Variants in SPTBN4 observed in about 807,000 individuals in gnomAD.
The protein encoded by SPTBN4 is spectrin beta, non-erythrocytic 4, also known as spectrin beta chain, non-erythrocytic 4.
Under a neutral mutation model 277.8 loss-of-function variants are expected in SPTBN4, and 96 were observed. That is an observed-to-expected ratio of 0.35 (90% CI 0.29 to 0.41). SPTBN4 has a LOEUF of 0.41. Among genes scored for constraint, SPTBN4 ranks in the 10% least tolerant of loss-of-function variants. The probability of loss-of-function intolerance (pLI) is 1.00; values close to 1 mark genes in which losing one functional copy is unlikely to be tolerated. For missense variants in SPTBN4, 3,006 were observed against 3,595.7 expected, an observed-to-expected ratio of 0.84 and a Z score of 4.19; for synonymous variants, 1,481 against 1,580.3, an observed-to-expected ratio of 0.94 and a Z score of 1.49.
At chr19:40,549,111 C>T in intron 20 of SPTBN4, 78 bp from the exon 21 acceptor site, 1 of 1,251,332 alleles carries the variant, frequency 8.0e-7, no homozygotes, top group South Asian at 1.5e-5. Flanking sequence ...GTCTGGCTGT[C>T]ACCATAAGGG....
intron 18 of SPTBN4, among the ~76,000 whole-genome samples, chr19:40,529,532 C>T (rs890317991): frequency 6.6e-6 from 1 of 152,186 alleles, no homozygotes; most frequent in South Asian, 2.1e-4. Flanking sequence ...CTGCAGCCAG[C>T]GATGGCTCTG....
Position 40,572,367 on chromosome 19 carries a change from A to G in SPTBN4, c.7523A>G (p.Gln2508Arg), listed in dbSNP as rs2081163580. Residue 2508 changes from glutamine to arginine, a missense_variant, in exon 35 of 36, where the codon CAG (glutamine) becomes CGG (arginine). Coordinates refer to ENST00000598249, the MANE Select transcript of SPTBN4 (RefSeq NM_020971.3). ...QTQDGSEFLLQAKDEEEMNGW... is the reference protein window; with the variant it reads ...QTQDGSEFLLRAKDEEEMNGW... ...CAGGATGGCAGTGAGTTTTTGCTCCAGGCAAAAGATGAGGTGAGATCTGGT... is the reference window on the plus strand; with the variant it reads ...CAGGATGGCAGTGAGTTTTTGCTCCGGGCAAAAGATGAGGTGAGATCTGGT... The G allele has an allele frequency of 1.2e-6, 2 of 1,614,218 alleles. No individual in the cohort carries two copies. The highest frequency in any genetic ancestry group is 2.2e-5 in the South Asian group (2 of 91,086).
intron 20 of SPTBN4, among the ~76,000 whole-genome samples, chr19:40,542,874 G>A (rs1160260045): frequency 4.0e-5 from 6 of 151,582 alleles, no homozygotes; most frequent in Admixed American, 1.3e-4. Context: ...GCAGTGGCGC[G>A]ATCTCAGCTA....
chr19:40,506,956 C>T (rs773037008), intron 13 of SPTBN4, among the ~76,000 whole-genome samples: 1 of 152,064 alleles, frequency 6.6e-6, no homozygotes, highest in Non-Finnish European at 1.5e-5. Context: ...TACACTCCAG[C>T]CTGGGTGACA....
chr19:40,489,245 G>C (rs2080109570), intron 3 of SPTBN4, among the ~76,000 whole-genome samples: 1 of 131,074 alleles, frequency 7.6e-6, no homozygotes, highest in Non-Finnish European at 1.6e-5. Context: ...AGAAAAAAAA[G>C]AATAGATAGG....
intron 20 of SPTBN4, among the ~76,000 whole-genome samples, chr19:40,540,475 C>T (rs1259534220): frequency 3.3e-5 from 5 of 151,950 alleles, no homozygotes; most frequent in African/African-American, 9.7e-5. Context: ...CTCCTGGGCT[C>T]AAACAGTCCT....
intron 2 of SPTBN4, among the ~76,000 whole-genome samples, chr19:40,483,913 T>C (rs2080040266): frequency 6.6e-6 from 1 of 152,084 alleles, no homozygotes; most frequent in South Asian, 2.1e-4. Flanking sequence ...AAAAGAGGGA[T>C]TTGGACTAGA....
At chr19:40,474,151 C>CAAA (rs71173641) in intron 2 of SPTBN4, among the ~76,000 whole-genome samples, 34 of 34,472 alleles carry the variant, frequency 9.9e-4, no homozygotes, top group African/African-American at 3.9e-3. Flanking sequence ...GAACCTATCT[C>CAAA]AAAAAAAAAA....
intron 12 of SPTBN4, 146 bp downstream of exon 12, chr19:40,504,278 G>C: frequency 1.2e-6 from 1 of 802,638 alleles, no homozygotes; most frequent in South Asian, 1.9e-5. Context: ...GACAAAAAGA[G>C]AGAACAAGAG....
chr19:40,497,891 C>A (rs1263296295), intron 7 of SPTBN4, among the ~76,000 whole-genome samples: 1 of 151,626 alleles, frequency 6.6e-6, no homozygotes, highest in African/African-American at 2.4e-5. Context: ...TCCACCCATC[C>A]CCAACACCCT....
At chr19:40,522,235 C>G (rs917770855) in intron 16 of SPTBN4, among the ~76,000 whole-genome samples, 2 of 152,062 alleles carry the variant, frequency 1.3e-5, no homozygotes, top group African/African-American at 4.8e-5. Context: ...ACCATGTTGC[C>G]CAGGCTGGTC....
intron 33 of SPTBN4, 78 bp downstream of exon 33, chr19:40,570,806 G>C: frequency 2.0e-6 from 3 of 1,473,460 alleles, no homozygotes; most frequent in Non-Finnish European, 2.7e-6. Context: ...GGACTGAGGA[G>C]GGGGTGTGGC....
rs753473538 is a variant in SPTBN4, at chr19:40,502,101, C to T, written c.898-27C>T. ...GGTGGCAGGCACGGGTGGGATGAGGCTGACCCCCCTTCCTCTGCTGTGTCA... is the reference window on the plus strand; with the variant it reads ...GGTGGCAGGCACGGGTGGGATGAGGTTGACCCCCCTTCCTCTGCTGTGTCA... On this transcript the variant is annotated intron_variant, in intron 8 of 35. Coordinates refer to ENST00000598249, the MANE Select transcript of SPTBN4 (RefSeq NM_020971.3). This position sits in a 1 kb window ranked among gnomAD's most constrained non-coding sequence, Gnocchi z 4.9. 9.9e-6 allele frequency: 16 copies of T among 1,612,906 alleles called. No homozygotes were observed. The highest frequency in any genetic ancestry group is 1.3e-5 in the Non-Finnish European group (15 of 1,179,646).
At chr19:40,505,680 G>T (rs1185569903) in intron 12 of SPTBN4, among the ~76,000 whole-genome samples, 1 of 123,832 alleles carries the variant, frequency 8.1e-6, no homozygotes, top group Non-Finnish European at 1.7e-5. Flanking sequence ...AAAAAAAGAA[G>T]AAGAAAAAAG....
intron 33 of SPTBN4, among the ~76,000 whole-genome samples, chr19:40,571,386 C>T (rs1244250184): frequency 6.6e-6 from 1 of 152,154 alleles, no homozygotes; most frequent in Non-Finnish European, 1.5e-5. Flanking sequence ...GAGTCCAGCT[C>T]CTGCTTGTCC....
At chr19:40,492,784 G>A (rs1009751278) in intron 4 of SPTBN4, among the ~76,000 whole-genome samples, 179 bp from the exon 5 acceptor site, 2 of 152,116 alleles carry the variant, frequency 1.3e-5, no homozygotes, top group African/African-American at 4.8e-5. Flanking sequence ...TCCCCTAATT[G>A]TGGATGTCCT....
At position 40,487,817 on chromosome 19, in the gene SPTBN4, G is replaced by A; in HGVS notation, c.290G>A (p.Arg97Gln). ...VDLRDGFVLT[R>Q]LLEVLSGEQL... ...CTCCGGGACGGCTTCGTGCTCACGC[G>A]GCTCCTGGAAGTGCTGTCTGGGGAG... Residue 97 changes from arginine to glutamine, a missense_variant, in exon 3 of 36, where the codon CGG becomes CAG. Arg to Gln is a conservative substitution (Grantham distance 43). This residue lies in a region of SPTBN4 where 114 missense variants were observed against 196.1 expected (regional missense o/e 0.58). Coordinates refer to ENST00000598249, the MANE Select transcript of SPTBN4 (RefSeq NM_020971.3). 1.9e-6 allele frequency: 3 copies of A among 1,610,272 alleles called. No individual in the cohort carries two copies. Among genetic ancestry groups the A allele is most frequent in the Non-Finnish European group, 2.5e-6 (3 of 1,178,310 alleles).
chr19:40,552,985 G>A (rs962895351), intron 22 of SPTBN4, among the ~76,000 whole-genome samples: 1 of 152,172 alleles, frequency 6.6e-6, no homozygotes, highest in Non-Finnish European at 1.5e-5. Context: ...ACCCCGCAAG[G>A]TAGATTATCT....
At chr19:40,481,922 G>A (rs945822241) in intron 2 of SPTBN4, among the ~76,000 whole-genome samples, 1 of 151,470 alleles carries the variant, frequency 6.6e-6, no homozygotes, top group African/African-American at 2.4e-5. Flanking sequence ...CCTTTAGTGA[G>A]ATGGCCATTC....
Sources: allele counts gnomAD v4.1 joint callset (sites outside exome capture counted in the v4.1 genomes callset), GRCh38; gene constraint gnomAD v4.1.1; regional missense constraint gnomAD v4.1.1; non-coding constraint Gnocchi (gnomAD v3.1); transcripts MANE v1.5; gene names NCBI Gene and HGNC (gene_info 2026-07-23, HGNC 2026-07-21).